SPIDR: variants seen among roughly 807,000 people sequenced by gnomAD.
SPIDR encodes the protein scaffold protein involved in DNA repair, also known as DNA repair-scaffolding protein.
In SPIDR, 93 loss-of-function variants were observed where a neutral mutation model predicts 104.6. The ratio of observed to expected loss-of-function variants is 0.89; its 90% confidence interval spans 0.75 to 1.06. The LOEUF (loss-of-function observed/expected upper bound fraction) is 1.06. SPIDR is among the 50% of genes least tolerant of loss of function. The pLI is 0.00. For synonymous variants in SPIDR, 431 were observed against 416.9 expected, an observed-to-expected ratio of 1.03 and a Z score of -0.41; for missense variants, 1,154 against 1,111.2, an observed-to-expected ratio of 1.04 and a Z score of -0.55.
chr8:47,390,129 G>A (rs2060406593), intron 5 of SPIDR, among the ~76,000 whole-genome samples: 1 of 152,124 alleles, frequency 6.6e-6, no homozygotes, highest in Non-Finnish European at 1.5e-5. Flanking sequence ...AAATTACTCA[G>A]TGATGCTGAT....
chr8:47,429,658 T>G (rs1462570635), intron 7 of SPIDR, among the ~76,000 whole-genome samples: 1 of 152,124 alleles, frequency 6.6e-6, no homozygotes, highest in East Asian at 1.9e-4. Flanking sequence ...CAGTGTTGGT[T>G]CTGGTCCAAA....
At chr8:47,629,684 G>A (rs903891118) in intron 10 of SPIDR, among the ~76,000 whole-genome samples, 1 of 152,204 alleles carries the variant, frequency 6.6e-6, no homozygotes. Flanking sequence ...CCTAGGAGAG[G>A]TGGAGGTTGC....
chr8:47,687,694 TC>T (rs1313888169), intron 11 of SPIDR, among the ~76,000 whole-genome samples: 1 of 152,226 alleles, frequency 6.6e-6, no homozygotes, highest in Non-Finnish European at 1.5e-5. Context: ...CCTACCCTGA[TC>T]CTAAAGATCT....
At chr8:47,579,999 A>G (rs1346011465) in intron 8 of SPIDR, among the ~76,000 whole-genome samples, 2 of 152,206 alleles carry the variant, frequency 1.3e-5, no homozygotes, top group East Asian at 1.9e-4. Flanking sequence ...GTATACAATT[A>G]GTTGGTTGTT....
intron 11 of SPIDR, among the ~76,000 whole-genome samples, chr8:47,693,040 A>C (rs2078892183): frequency 6.6e-6 from 1 of 152,168 alleles, no homozygotes; most frequent in African/African-American, 2.4e-5. Flanking sequence ...TGCTATTCTA[A>C]TCTTGTTAGA....
intron 8 of SPIDR, chr8:47,511,384 G>A: frequency 1.1e-6 from 1 of 932,874 alleles, no homozygotes; most frequent in Non-Finnish European, 1.8e-6. Flanking sequence ...ACCCTCGCCA[G>A]TGAAGGCTTT....
intron 7 of SPIDR, among the ~76,000 whole-genome samples, chr8:47,418,836 G>T (rs1588452855): frequency 6.6e-6 from 1 of 152,004 alleles, no homozygotes; most frequent in South Asian, 2.1e-4. Context: ...GAAGGTTGTT[G>T]AATTTTGTCA....
At chr8:47,695,031 G>A (rs2079139254) in intron 11 of SPIDR, among the ~76,000 whole-genome samples, 1 of 152,090 alleles carries the variant, frequency 6.6e-6, no homozygotes, top group Non-Finnish European at 1.5e-5. Flanking sequence ...TTCACTGGTT[G>A]AACAGGAGAT....
chr8:47,689,883 T>C (rs2078380775), intron 11 of SPIDR, among the ~76,000 whole-genome samples: 1 of 152,214 alleles, frequency 6.6e-6, no homozygotes, highest in Admixed American at 6.5e-5. Flanking sequence ...GTTGTTTTCT[T>C]CTTCATTATT....
At chr8:47,667,987 A>C (rs982931310) in intron 10 of SPIDR, 9 of 152,206 alleles carry the variant, frequency 5.9e-5, no homozygotes, top group Admixed American at 6.5e-5. Flanking sequence ...AAAATATATT[A>C]CCAAAATATC....
chr8:47,649,795 G>A (rs1005184328), intron 10 of SPIDR, among the ~76,000 whole-genome samples: 6 of 151,848 alleles, frequency 4.0e-5, no homozygotes, highest in African/African-American at 1.5e-4. Flanking sequence ...TTACAGGGAT[G>A]GTTTAACATA....
intron 10 of SPIDR, among the ~76,000 whole-genome samples, chr8:47,634,177 G>A (rs1032195226): frequency 1.6e-5 from 2 of 124,038 alleles, no homozygotes; most frequent in South Asian, 2.6e-4. Context: ...AAAAAGGGCC[G>A]GGCATGGTGG....
At chr8:47,427,262 G>A (rs978055914) in intron 7 of SPIDR, among the ~76,000 whole-genome samples, 2 of 148,524 alleles carry the variant, frequency 1.3e-5, no homozygotes, top group Non-Finnish European at 3.0e-5. Flanking sequence ...TAAATTGTCA[G>A]AAGCAGTTAA....
chr8:47,416,774 C>G (rs1284925020), intron 7 of SPIDR, among the ~76,000 whole-genome samples: 1 of 151,912 alleles, frequency 6.6e-6, no homozygotes, highest in Non-Finnish European at 1.5e-5. Context: ...CTCCACCCTG[C>G]CCCCACCCCA....
intron 5 of SPIDR, among the ~76,000 whole-genome samples, chr8:47,312,490 A>G (rs1554586204): frequency 1.3e-5 from 2 of 151,968 alleles, no homozygotes; most frequent in African/African-American, 2.4e-5. Flanking sequence ...GCATTTTTTC[A>G]TGTGTTTTTT....
At chr8:47,589,032 T>G (rs1024076290) in intron 8 of SPIDR, among the ~76,000 whole-genome samples, 9 of 149,538 alleles carry the variant, frequency 6.0e-5, no homozygotes, top group South Asian at 4.3e-4. Flanking sequence ...GTTTTTTTTT[T>G]TTTTTTTTTT....
chr8:47,669,113 C>A (rs1445196911), intron 10 of SPIDR, among the ~76,000 whole-genome samples: 2 of 152,108 alleles, frequency 1.3e-5, no homozygotes, highest in Non-Finnish European at 1.5e-5. Context: ...TTTGCAAGAT[C>A]CAAAGTTATT....
At position 47,735,291 on chromosome 8, in the gene SPIDR, C is replaced by T. The variant is rs556434288; in HGVS notation, c.2605-16C>T. ...CAGGCTGTTTGCTTTAACCAGCGTG[C>T]CTTTTATCACTGCAGAGCTACGAAG... On this transcript the variant is annotated splice_polypyrimidine_tract_variant and intron_variant, in intron 19 of 19. Transcript: ENST00000297423. The T allele has an allele frequency of 6.2e-7, 1 of 1,613,398 alleles. No homozygotes were observed. Among genetic ancestry groups the T allele is most frequent in the Non-Finnish European group, 8.5e-7 (1 of 1,179,444 alleles).
chr8:47,592,698 A>T (rs1005973183), intron 8 of SPIDR: 8 of 644,606 alleles, frequency 1.2e-5, no homozygotes, highest in Non-Finnish European at 1.9e-5. Context: ...TATTTATAAT[A>T]TGATTGTCTT....
Sources: gnomAD v4.1 joint callset for allele counts (sites outside exome capture counted in the v4.1 genomes callset) on GRCh38, gnomAD v4.1.1 for gene constraint, MANE v1.5 for transcripts, NCBI Gene and HGNC (gene_info 2026-07-23, HGNC 2026-07-21) for gene names.